ZFHX4: variants seen among roughly 807,000 people sequenced by gnomAD.
ZFHX4 encodes zinc finger homeobox 4.
A neutral mutation model predicts 267.6 loss-of-function variants in ZFHX4; 56 were observed. That is an observed-to-expected ratio of 0.21 (90% CI 0.17 to 0.26). The LOEUF is 0.26. ZFHX4 is among the 10% of genes least tolerant of loss of function. The probability of loss-of-function intolerance (pLI) is 1.00; values close to 1 mark genes in which losing one functional copy is unlikely to be tolerated. For synonymous variants in ZFHX4, 1,778 were observed against 1,665.6 expected (o/e 1.07, Z -1.64); for missense variants, 4,332 against 4,420.0 (o/e 0.98, Z 0.56).
rs139139306 is a variant in ZFHX4, at chr8:76,726,043, G to A, written c.3093+17995G>A. 1.2e-4 allele frequency among the ~76,000 whole-genome samples: 18 copies of A among 152,168 alleles called. No homozygotes were observed. The East Asian group carries it at 2.3e-3, about 20-fold the overall frequency. ...ATGCTACATACCCTGTAAAGTCTTC[G>A]GGACACTGGTGTGAAGCCTTTGAGT... On this transcript the variant is annotated intron_variant, in intron 3 of 10. Transcript: ENST00000651372.
chr8:76,705,695 A>G lies in ZFHX4; in HGVS notation c.1607A>G (p.Lys536Arg). ...SATVSDDTEKKKQTAAVRASG... is the reference protein window; with the variant it reads ...SATVSDDTEKRKQTAAVRASG... ...ACTGTTTCTGATGACACAGAAAAGA[A>G]AAAACAGACTGCTGCTGTTAGGGCC... The change falls in exon 2 of 11, where the codon AAA (lysine) becomes AGA (arginine). Residue 536 changes from lysine to arginine, a missense_variant. Lys to Arg is a conservative substitution (Grantham distance 26, BLOSUM62 2). Coordinates refer to ENST00000651372, the MANE Select transcript of ZFHX4 (RefSeq NM_024721.5). 1.2e-6 allele frequency: 2 copies of G among 1,614,022 alleles called. No individual in the cohort carries two copies. The highest frequency in any genetic ancestry group is 1.7e-6 in the Non-Finnish European group (2 of 1,179,904).
At chr8:76,861,379 G>GTT (rs1812862470) in intron 10 of ZFHX4, among the ~76,000 whole-genome samples, 1 of 152,112 alleles carries the variant, frequency 6.6e-6, no homozygotes, top group African/African-American at 2.4e-5. Context: ...CTAGGACTCG[G>GTT]TTTCCTTATT....
At chr8:76,742,071 C>A (rs1676381832) in intron 3 of ZFHX4, among the ~76,000 whole-genome samples, 1 of 152,146 alleles carries the variant, frequency 6.6e-6, no homozygotes, top group Non-Finnish European at 1.5e-5. Flanking sequence ...ATAAATAGAT[C>A]CAGCTAATGT....
chr8:76,729,379 G>C (rs1808938524), intron 3 of ZFHX4, among the ~76,000 whole-genome samples: 2 of 152,134 alleles, frequency 1.3e-5, no homozygotes. Context: ...TTTTTATTTG[G>C]TTAGGAATGA....
intron 4 of ZFHX4, among the ~76,000 whole-genome samples, chr8:76,805,598 T>G (rs2131834753): frequency 6.6e-6 from 1 of 152,130 alleles, no homozygotes; most frequent in Middle Eastern, 3.4e-3. Flanking sequence ...GGCTTTTTTT[T>G]TTTTTTGTAG....
chr8:76,835,251 A>ATATGTATATATATATATATATG (rs1563549159), intron 5 of ZFHX4, among the ~76,000 whole-genome samples: 1 of 82,660 alleles, frequency 1.2e-5, no homozygotes, highest in African/African-American at 5.9e-5. Context: ...GTATATATAT[A>ATATGTATATATATATATATATG]TATATATATT....
chr8:76,863,243 C>A lies in ZFHX4; in HGVS notation c.9529C>A (p.Leu3177Met). 1 of 1,598,022 alleles carries A rather than the reference C, an allele frequency of 6.3e-7. No homozygotes were observed. ...TCCTCCTCCTCCTCCTTCATCCTCT[C>A]TGTCAGGACAGCAGACCGAGCAACA... Reference protein sequence around the residue: ...PPPPPPPSSSLSGQQTEQQNK... With the variant: ...PPPPPPPSSSMSGQQTEQQNK... Residue 3177 changes from leucine to methionine, a missense_variant, in exon 11 of 11, where the codon CTG becomes ATG. Physicochemically the swap from Leu to Met is conservative, Grantham distance 15 (BLOSUM62 2). Coordinates refer to ENST00000651372, the MANE Select transcript of ZFHX4 (RefSeq NM_024721.5).
intron 1 of ZFHX4, among the ~76,000 whole-genome samples, chr8:76,698,696 A>G (rs1311865132): frequency 2.6e-5 from 4 of 152,036 alleles, no homozygotes; most frequent in African/African-American, 7.2e-5. Flanking sequence ...ATGAGAGGAA[A>G]ACAGAGAAAA....
chr8:76,722,163 A>G (rs1027178477), intron 3 of ZFHX4, among the ~76,000 whole-genome samples: 6 of 152,092 alleles, frequency 3.9e-5, no homozygotes, highest in Admixed American at 6.6e-5. Flanking sequence ...AAGGGCTACC[A>G]ATGTTCCTAC....
At chr8:76,726,534 T>C (rs1426187466) in intron 3 of ZFHX4, among the ~76,000 whole-genome samples, 1 of 152,208 alleles carries the variant, frequency 6.6e-6, no homozygotes, top group African/African-American at 2.4e-5. Flanking sequence ...GAGATAGTAA[T>C]GCAGTTATTA....
At position 76,851,502 on chromosome 8, in the gene ZFHX4, C is replaced by A; in HGVS notation, c.4581C>A (p.Pro1527=). 4 of 1,613,780 alleles carry A rather than the reference C, an allele frequency of 2.5e-6. No individual in the cohort carries two copies. The highest frequency in any genetic ancestry group is 3.4e-6 in the Non-Finnish European group (4 of 1,179,834). Residue 1527 remains proline (P), a synonymous_variant, in exon 10 of 11, where the codon CCC becomes CCA. Coordinates refer to ENST00000651372, the MANE Select transcript of ZFHX4 (RefSeq NM_024721.5). ...PKRTLPFRKG[P]NFTMEKFLDP... ...GGACCTTACCTTTTAGAAAAGGGCC[C>A]AATTTTACGATGGAAAAATTCCTTG...
At chr8:76,815,110 G>A (rs1231258740) in intron 4 of ZFHX4, among the ~76,000 whole-genome samples, 1 of 152,096 alleles carries the variant, frequency 6.6e-6, no homozygotes, top group Non-Finnish European at 1.5e-5. Flanking sequence ...AGAGAGTGAG[G>A]GAAATTATTT....
At chr8:76,711,013 A>G (rs2131620324) in intron 3 of ZFHX4, among the ~76,000 whole-genome samples, 1 of 152,202 alleles carries the variant, frequency 6.6e-6, no homozygotes, top group Middle Eastern at 3.4e-3. Flanking sequence ...TTTAACCAGA[A>G]CAACACCTTT....
At chr8:76,843,577 A>G (rs1016264901) in intron 6 of ZFHX4, among the ~76,000 whole-genome samples, 3 of 152,164 alleles carry the variant, frequency 2.0e-5, no homozygotes, top group East Asian at 3.8e-4. Context: ...ATGGAAATCT[A>G]TGGTTGCAAT....
chr8:76,862,788 A>G (rs1812904512), intron 10 of ZFHX4, among the ~76,000 whole-genome samples: 1 of 152,180 alleles, frequency 6.6e-6, no homozygotes, highest in African/African-American at 2.4e-5. Flanking sequence ...ATAGTTCACG[A>G]TGATGTTTTT....
chr8:76,705,600 C>A lies in ZFHX4; in HGVS notation c.1512C>A (p.Asn504Lys), dbSNP rs1669239122. 1 of 1,613,772 alleles carries A rather than the reference C, an allele frequency of 6.2e-7. No individual in the cohort carries two copies. The highest frequency in any genetic ancestry group is 8.5e-7 in the Non-Finnish European group (1 of 1,179,778). Residue 504 changes from asparagine (N) to lysine (K), a missense_variant, in exon 2 of 11, where the codon AAC (asparagine) becomes AAA (lysine). Asn to Lys is a moderately conservative substitution (Grantham distance 94). Around this residue, in one of 7 missense-constraint regions of ZFHX4, gnomAD observed 1,195 missense variants for 1,173.6 expected, o/e 1.02. Coordinates refer to ENST00000651372, the MANE Select transcript of ZFHX4 (RefSeq NM_024721.5). Reference sequence around the variant, plus strand: ...GTAACAAAGATTTCCCTCTCTTAAACCAAAGCATTTCTCCTTTATCATCCA... The same window carrying A: ...GTAACAAAGATTTCCCTCTCTTAAAACAAAGCATTTCTCCTTTATCATCCA... ...SIGNKDFPLL[N>K]QSISPLSSSV...
chr8:76,837,063 A>G (rs555860237), intron 5 of ZFHX4, among the ~76,000 whole-genome samples: 2 of 152,268 alleles, frequency 1.3e-5, no homozygotes, highest in South Asian at 2.1e-4. Context: ...ATTTTGGCAT[A>G]CTAAACTAGA....
At chr8:76,683,779 A>C (rs886757822) in intron 1 of ZFHX4, 1 of 151,222 alleles carries the variant, frequency 6.6e-6, no homozygotes, top group Admixed American at 6.6e-5. Context: ...TAAAGCTCAT[A>C]TGTAGTATTA....
chr8:76,774,094 C>A (rs1288319564), intron 3 of ZFHX4, among the ~76,000 whole-genome samples: 1 of 152,080 alleles, frequency 6.6e-6, no homozygotes, highest in Non-Finnish European at 1.5e-5. Flanking sequence ...TTCTGGACTC[C>A]AAATCCTGTA....
Sources: allele counts gnomAD v4.1 joint callset (sites outside exome capture counted in the v4.1 genomes callset), GRCh38; gene constraint gnomAD v4.1.1; regional missense constraint gnomAD v4.1.1; transcripts MANE v1.5; gene names NCBI Gene and HGNC (gene_info 2026-07-23, HGNC 2026-07-21).